Variants in WDR7 observed in about 807,000 individuals in gnomAD.
WDR7 encodes WD repeat-containing protein 7.
In WDR7, 46 loss-of-function variants were observed where a neutral mutation model predicts 169.4. That is an observed-to-expected ratio of 0.27 (90% CI 0.21 to 0.35). The LOEUF (loss-of-function observed/expected upper bound fraction) is 0.35, where lower values mean the gene tolerates loss of function less well. Ranked by LOEUF, WDR7 falls within the 10% of genes least tolerant of loss-of-function variation. The pLI is 1.00. For missense variants in WDR7, 1,534 were observed against 1,859.3 expected (o/e 0.83, Z 3.22); for synonymous variants, 612 against 666.8 (o/e 0.92, Z 1.27).
chr18:56,864,332 C>T (rs1159973408), intron 20 of WDR7, among the ~76,000 whole-genome samples: 3 of 151,554 alleles, frequency 2.0e-5, no homozygotes, highest in African/African-American at 7.2e-5. Flanking sequence ...TGTCATGACT[C>T]TCACTTAGCT....
At chr18:56,844,816 A>G (rs1315902833) in intron 20 of WDR7, among the ~76,000 whole-genome samples, 1 of 151,890 alleles carries the variant, frequency 6.6e-6, no homozygotes, top group Non-Finnish European at 1.5e-5. Flanking sequence ...TGATTTAAAG[A>G]CTCTTTCCTG....
At chr18:56,656,365 C>T (rs556338177) in intron 1 of WDR7, among the ~76,000 whole-genome samples, 120 of 151,346 alleles carry the variant, frequency 7.9e-4, no homozygotes, top group African/African-American at 2.7e-3. Flanking sequence ...GTGCAACCTC[C>T]GCCTCCCAGA....
At position 56,695,094 on chromosome 18, in the gene WDR7, A is replaced by T. The variant is rs762232596; in HGVS notation, c.1253A>T (p.His418Leu). Residue 418 changes from histidine (H) to leucine (L), a missense_variant, in exon 11 of 28, where the codon CAT becomes CTT. Coordinates refer to ENST00000254442, the MANE Select transcript of WDR7 (RefSeq NM_015285.3). Reference sequence around the variant, plus strand: ...ACTGCAAGTGTGTACATACCAGCACATGGACGACTTGTTTGTGGTCGTGAA... The same window carrying T: ...ACTGCAAGTGTGTACATACCAGCACTTGGACGACTTGTTTGTGGTCGTGAA... ...KVTASVYIPA[H>L]GRLVCGREDG... 6.2e-7 allele frequency: 1 copy of T among 1,614,038 alleles called. No homozygotes were observed. Among genetic ancestry groups the T allele is most frequent in the Non-Finnish European group, 8.5e-7 (1 of 1,180,034 alleles).
At chr18:56,865,370 C>T (rs1016288096) in intron 20 of WDR7, among the ~76,000 whole-genome samples, 39 of 152,210 alleles carry the variant, frequency 2.6e-4, no homozygotes, top group African/African-American at 8.9e-4. Context: ...GATTTAAACA[C>T]ACTATCGGCT....
At chr18:56,841,086 G>A (rs1439463225) in intron 20 of WDR7, among the ~76,000 whole-genome samples, 3 of 151,856 alleles carry the variant, frequency 2.0e-5, no homozygotes, top group Non-Finnish European at 4.4e-5. Context: ...CCAGCTACTC[G>A]GGAGGCTGAG....
intron 12 of WDR7, among the ~76,000 whole-genome samples, chr18:56,713,547 TAAG>T (rs1319854781): frequency 1.3e-5 from 2 of 152,326 alleles, no homozygotes; most frequent in East Asian, 3.9e-4. Context: ...AGTTTAAAGA[TAAG>T]AGGTTCACAT....
At chr18:56,914,080 A>G (rs1568264007) in intron 21 of WDR7, among the ~76,000 whole-genome samples, 1 of 152,112 alleles carries the variant, frequency 6.6e-6, no homozygotes, top group Non-Finnish European at 1.5e-5. Context: ...TCCCGCAGCT[A>G]CCTCTGTGAC....
intron 12 of WDR7, among the ~76,000 whole-genome samples, chr18:56,701,406 C>A (rs1393393497): frequency 1.3e-5 from 2 of 152,098 alleles, no homozygotes; most frequent in African/African-American, 2.4e-5. Flanking sequence ...TACTATATAT[C>A]ATTTGCTTGA....
At chr18:56,678,977 A>C (rs550482469) in intron 2 of WDR7, among the ~76,000 whole-genome samples, 1 of 152,208 alleles carries the variant, frequency 6.6e-6, no homozygotes, top group Non-Finnish European at 1.5e-5. Context: ...GAATGACACA[A>C]GCACCCCTGT....
In WDR7 at chr18:56,661,150, G is replaced by A. The variant is rs573119852; in HGVS notation, c.-20+9574G>A. ...ATACAACGAGAAAGTTCAGTGCTCA[G>A]TTTAGACTTTTGATGGCAACCTAAG... is the stretch of plus-strand genomic sequence containing the variant. On this transcript the variant is annotated intron_variant, in intron 1 of 27. Transcript: ENST00000254442. 2.6e-5 allele frequency among the ~76,000 whole-genome samples: 4 copies of A among 152,292 alleles called. No individual in the cohort carries two copies. In the South Asian group the frequency reaches 8.3e-4, roughly 32 times the overall value.
chr18:56,980,444 CAT>C (rs2047625856), intron 26 of WDR7, among the ~76,000 whole-genome samples: 1 of 152,136 alleles, frequency 6.6e-6, no homozygotes, highest in Non-Finnish European at 1.5e-5. Context: ...TCATTTAACA[CAT>C]GTTAGTGAGT....
At chr18:56,695,680 G>A (rs1366516965) in intron 11 of WDR7, among the ~76,000 whole-genome samples, 5 of 152,006 alleles carry the variant, frequency 3.3e-5, no homozygotes, top group Non-Finnish European at 5.9e-5. Flanking sequence ...GGGATTATAG[G>A]CATGTGCCAC....
intron 20 of WDR7, among the ~76,000 whole-genome samples, chr18:56,864,031 G>A (rs1028668684): frequency 6.6e-6 from 1 of 151,566 alleles, no homozygotes; most frequent in Non-Finnish European, 1.5e-5. Context: ...TTTATAAATT[G>A]AAATATAATA....
chr18:56,784,210 C>T (rs2044360534), intron 19 of WDR7, among the ~76,000 whole-genome samples: 1 of 152,138 alleles, frequency 6.6e-6, no homozygotes, highest in Non-Finnish European at 1.5e-5. Flanking sequence ...TACTAAGTGA[C>T]AGACTCCAAA....
intron 12 of WDR7, among the ~76,000 whole-genome samples, chr18:56,712,527 AAT>A (rs2026108937): frequency 6.6e-6 from 1 of 152,238 alleles, no homozygotes; most frequent in East Asian, 1.9e-4. Context: ...ATAAAATAAA[AAT>A]AGAGTTTTTA....
At chr18:56,962,565 G>A (rs780096907) in intron 26 of WDR7, 36 bp downstream of exon 26, 43 of 1,594,270 alleles carry the variant, frequency 2.7e-5, no homozygotes, top group African/African-American at 5.4e-5. Context: ...TCCATAAAGC[G>A]TGGAAGTTAT....
At chr18:56,958,223 G>A (rs1328267311) in intron 25 of WDR7, among the ~76,000 whole-genome samples, 1 of 152,080 alleles carries the variant, frequency 6.6e-6, no homozygotes, top group Non-Finnish European at 1.5e-5. Context: ...ATCCCTCTCC[G>A]GGGTTTTGTA....
chr18:56,682,024 TATG>T (rs1288896699), intron 4 of WDR7, among the ~76,000 whole-genome samples: 1 of 152,220 alleles, frequency 6.6e-6, no homozygotes, highest in Non-Finnish European at 1.5e-5. Flanking sequence ...ATATTAAAAA[TATG>T]ATCAATTATG....
intron 16 of WDR7, 152 bp from the exon 17 acceptor site, chr18:56,776,630 T>C: frequency 1.5e-6 from 1 of 654,308 alleles, no homozygotes; most frequent in African/African-American, 1.8e-5. Context: ...TAATCTTTAA[T>C]GATCATGCCT....
Sources: gnomAD v4.1 joint callset for allele counts (sites outside exome capture counted in the v4.1 genomes callset) on GRCh38, gnomAD v4.1.1 for gene constraint, MANE v1.5 for transcripts, NCBI Gene and HGNC (gene_info 2026-07-23, HGNC 2026-07-21) for gene names.